The following NEDD9 variants were observed in gnomAD, a reference collection of about 807,000 sequenced individuals.
NEDD9 encodes the protein enhancer of filamentation 1.
A neutral mutation model predicts 76.6 loss-of-function variants in NEDD9; 26 were observed. The ratio of observed to expected loss-of-function variants is 0.34; its 90% CI spans 0.25 to 0.47. NEDD9 has a LOEUF of 0.47. NEDD9 is among the 20% of genes least tolerant of loss of function. The probability of loss-of-function intolerance (pLI) is 1.00; values close to 1 mark genes in which losing one functional copy is unlikely to be tolerated. For missense variants in NEDD9, 937 were observed against 1,058.5 expected, an observed-to-expected ratio of 0.89 and a Z score of 1.59; for synonymous variants, 392 against 414.2, an observed-to-expected ratio of 0.95 and a Z score of 0.65.
intron 3 of NEDD9, among the ~76,000 whole-genome samples, chr6:11,240,986 C>G (rs568979418): frequency 6.6e-6 from 1 of 152,162 alleles, no homozygotes; most frequent in Non-Finnish European, 1.5e-5. Context: ...TTTCTCTAGC[C>G]GTGAGGTGTT....
chr6:11,290,490 C>T (rs1417155684), intron 3 of NEDD9, among the ~76,000 whole-genome samples: 1 of 152,152 alleles, frequency 6.6e-6, no homozygotes, highest in Non-Finnish European at 1.5e-5. Context: ...CCCATAATTA[C>T]GGTTGGCTAC....
In NEDD9 at chr6:11,351,366, T is replaced by A. The variant is rs79005596; in HGVS notation, c.-213-16805A>T. Among the ~76,000 whole-genome samples, 757 of 152,220 alleles carry A rather than the reference T, an allele frequency of 5.0e-3. 7 individuals carry two copies. The highest frequency in any genetic ancestry group is 0.017 in the African/African-American group (712 of 41,512). The stretch of plus-strand genomic sequence containing the variant: ...AGGATGGACCAGTTCAAGAGGGGCT[T>A]CATGGAGCTGGGGCTTCATCCTGAT... On this transcript the variant is annotated intron_variant, in intron 1 of 3. Transcript: ENST00000397378.
At chr6:11,360,493 T>A (rs1582049195) in intron 1 of NEDD9, among the ~76,000 whole-genome samples, 1 of 151,912 alleles carries the variant, frequency 6.6e-6, no homozygotes, top group Non-Finnish European at 1.5e-5. Flanking sequence ...TGGTGGGAGG[T>A]GATTGTATCA....
chr6:11,353,174 T>TC (rs1452417810), intron 1 of NEDD9, among the ~76,000 whole-genome samples: 1 of 152,256 alleles, frequency 6.6e-6, no homozygotes, highest in Non-Finnish European at 1.5e-5. Flanking sequence ...TCCCTGTTTT[T>TC]CTCTTTCCTG....
chr6:11,309,934 T>C (rs1420249645), intron 2 of NEDD9, among the ~76,000 whole-genome samples: 2 of 152,188 alleles, frequency 1.3e-5, no homozygotes, highest in African/African-American at 2.4e-5. Context: ...AAATCCAAGA[T>C]GTAAACAGAG....
intron 1 of NEDD9, among the ~76,000 whole-genome samples, chr6:11,231,000 T>G (rs1759454834): frequency 1.3e-5 from 2 of 152,224 alleles, no homozygotes. Flanking sequence ...TGAACATACT[T>G]TCTCTTTTTT....
At chr6:11,234,361 C>T (rs536905186), upstream of NEDD9, among the ~76,000 whole-genome samples, 220 of 152,270 alleles carry the variant, frequency 1.4e-3, no homozygotes, top group Non-Finnish European at 2.7e-3. Context: ...ATGAGTCTTG[C>T]GGCCTCCAAG....
rs778520022 is a variant in NEDD9 at position 11,213,738 on chromosome 6, A to T, written c.13-11T>A. On this transcript the variant is annotated splice_polypyrimidine_tract_variant and intron_variant, in intron 1 of 6. Transcript: ENST00000379446. This position sits in a 1 kb window ranked among gnomAD's most constrained non-coding sequence, Gnocchi z 5.4. ...CCTTGCCATAAGATTCTAGGAGGGA[A>T]GGAAGAGAAGGAAACCGTGTTAGAA... is the stretch of plus-strand genomic sequence containing the variant. The T allele has an allele frequency of 1.2e-6, 2 of 1,611,852 alleles. No individual in the cohort carries two copies.
chr6:11,249,910 T>G (rs1581982824), intron 3 of NEDD9, among the ~76,000 whole-genome samples: 1 of 152,140 alleles, frequency 6.6e-6, no homozygotes, highest in African/African-American at 2.4e-5. Context: ...ACACACGTGG[T>G]GAGTGTGGAG....
At chr6:11,331,248 T>C (rs1380328695) in intron 2 of NEDD9, among the ~76,000 whole-genome samples, 1 of 151,916 alleles carries the variant, frequency 6.6e-6, no homozygotes, top group Non-Finnish European at 1.5e-5. Flanking sequence ...GTATAAGAAT[T>C]GCTAAAAAGA....
At chr6:11,225,847 T>C (rs1040095262) in intron 1 of NEDD9, among the ~76,000 whole-genome samples, 3 of 151,060 alleles carry the variant, frequency 2.0e-5, no homozygotes, top group Non-Finnish European at 4.4e-5. Flanking sequence ...TAATAGTCCA[T>C]TGTGGGGCCC....
At position 11,190,870 on chromosome 6, in the gene NEDD9, A is replaced by C; in HGVS notation, c.999T>G (p.Ser333Arg). ...CCCTTTCCTGGGGGTTTGCTTTCTC[A>C]CTGGTTTCTGCTGGTGGCTCAAGAA... ...VQFLEPPAET[S>R]EKANPQERDG... The change falls in exon 5 of 7, where the codon AGT (serine) becomes AGG (arginine). Residue 333 changes from serine to arginine, a missense_variant. Physicochemically the swap from Ser to Arg is moderately radical, Grantham distance 110. Transcript: ENST00000379446. The surrounding 1 kb of genome is among the most constrained non-coding windows in gnomAD (Gnocchi z 5.8). 6.2e-7 allele frequency: 1 copy of C among 1,614,026 alleles called. No homozygotes were observed. The highest frequency in any genetic ancestry group is 1.1e-5 in the South Asian group (1 of 91,058).
chr6:11,284,334 T>C (rs1176040922), intron 3 of NEDD9, among the ~76,000 whole-genome samples: 4 of 139,674 alleles, frequency 2.9e-5, no homozygotes, highest in Non-Finnish European at 4.5e-5. Context: ...GGCAGGCAGA[T>C]CACGAGGTCA....
chr6:11,371,910 T>C (rs1200296186), intron 1 of NEDD9, among the ~76,000 whole-genome samples: 5 of 152,242 alleles, frequency 3.3e-5, no homozygotes, highest in Non-Finnish European at 7.3e-5. Flanking sequence ...GATACAGGCA[T>C]GCAATGTGTA....
At chr6:11,248,439 C>T (rs1197835844) in intron 3 of NEDD9, among the ~76,000 whole-genome samples, 2 of 152,170 alleles carry the variant, frequency 1.3e-5, no homozygotes, top group African/African-American at 2.4e-5. Flanking sequence ...ATGCTTATAA[C>T]CTTGTTACTG....
chr6:11,244,520 C>T (rs1759771253), intron 3 of NEDD9, among the ~76,000 whole-genome samples: 2 of 152,164 alleles, frequency 1.3e-5, no homozygotes, highest in South Asian at 4.1e-4. Context: ...ATATTTAAGA[C>T]ATAAATCGCC....
intron 3 of NEDD9, among the ~76,000 whole-genome samples, chr6:11,242,427 G>A (rs186666051): frequency 1.2e-4 from 18 of 152,228 alleles, no homozygotes; most frequent in Admixed American, 5.9e-4. Flanking sequence ...TGCTTTTGGA[G>A]CTTCTGGTCT....
chr6:11,240,648 T>C (rs577183961), intron 3 of NEDD9, among the ~76,000 whole-genome samples: 1 of 152,326 alleles, frequency 6.6e-6, no homozygotes, highest in African/African-American at 2.4e-5. Flanking sequence ...AATTACTACC[T>C]TTTTTTCTTC....
At chr6:11,351,574 C>T (rs924394927) in intron 1 of NEDD9, among the ~76,000 whole-genome samples, 50 of 152,242 alleles carry the variant, frequency 3.3e-4, no homozygotes, top group African/African-American at 1.1e-3. Context: ...GAGTGATGCC[C>T]GCATACTCAG....
Sources: allele counts gnomAD v4.1 joint callset (sites outside exome capture counted in the v4.1 genomes callset), GRCh38; gene constraint gnomAD v4.1.1; non-coding constraint Gnocchi (gnomAD v3.1); transcripts MANE v1.5; gene names NCBI Gene and HGNC (gene_info 2026-07-23, HGNC 2026-07-21).